Variants in STXBP4 observed in about 807,000 individuals in gnomAD.
The protein encoded by STXBP4 is syntaxin binding protein 4, also known as syntaxin-binding protein 4.
STXBP4 carries 55 observed loss-of-function variants against 76.1 expected under a neutral mutation model. That is an observed-to-expected ratio of 0.72 (90% confidence interval 0.58 to 0.91). The LOEUF (loss-of-function observed/expected upper bound fraction) is 0.91. Ranked by LOEUF, STXBP4 falls within the 40% of genes least tolerant of loss-of-function variation. The probability of loss-of-function intolerance (pLI) is 0.00; values close to 1 mark genes in which losing one functional copy is unlikely to be tolerated. For synonymous variants in STXBP4, 201 were observed against 220.2 expected, an observed-to-expected ratio of 0.91 and a Z score of 0.77; for missense variants, 618 against 636.9, an observed-to-expected ratio of 0.97 and a Z score of 0.32.
chr17:54,969,175 G>A (rs1040029489), intron 1 of STXBP4, among the ~76,000 whole-genome samples: 1 of 152,202 alleles, frequency 6.6e-6, no homozygotes, highest in Non-Finnish European at 1.5e-5. Flanking sequence ...CCCCTGCTCT[G>A]ATGCCCCTTA....
At chr17:55,028,148 A>G (rs2078446953) in intron 8 of STXBP4, among the ~76,000 whole-genome samples, 2 of 152,112 alleles carry the variant, frequency 1.3e-5, no homozygotes, top group South Asian at 4.1e-4. Flanking sequence ...TAACTTCTGT[A>G]TTAATATTTT....
At chr17:55,197,936 C>A in the STXBP4 span, among the ~76,000 whole-genome samples, 7 of 152,036 alleles carry the variant, frequency 4.6e-5, no homozygotes, top group African/African-American at 1.7e-4. Flanking sequence ...GAGTTTTAAA[C>A]AAAGAATTGG....
At chr17:54,975,474 G>A (rs1231685500) in intron 1 of STXBP4, among the ~76,000 whole-genome samples, 1 of 151,838 alleles carries the variant, frequency 6.6e-6, no homozygotes, top group Non-Finnish European at 1.5e-5. Flanking sequence ...CTGACAGACA[G>A]TCTCACATGA....
chr17:54,995,781 G>T (rs1280154855), intron 4 of STXBP4, among the ~76,000 whole-genome samples: 1 of 152,178 alleles, frequency 6.6e-6, no homozygotes, highest in African/African-American at 2.4e-5. Flanking sequence ...AGCCAAGATG[G>T]TTCGCTTTGC....
At chr17:55,082,175 A>C (rs187763594) in intron 16 of STXBP4, among the ~76,000 whole-genome samples, 1 of 152,248 alleles carries the variant, frequency 6.6e-6, no homozygotes, top group African/African-American at 2.4e-5. Context: ...ACTAGGATAT[A>C]TAATGTAGTC....
intron 17 of STXBP4, among the ~76,000 whole-genome samples, chr17:55,147,107 T>C (rs1320079663): frequency 1.3e-5 from 2 of 152,214 alleles, no homozygotes; most frequent in East Asian, 3.8e-4. Context: ...ATATGACTTA[T>C]ATAAATAATA....
At chr17:55,139,355 T>G (rs571923016) in intron 16 of STXBP4, among the ~76,000 whole-genome samples, 1 of 152,268 alleles carries the variant, frequency 6.6e-6, no homozygotes, top group Admixed American at 6.5e-5. Flanking sequence ...CAGACACAGT[T>G]GTACTGATCA....
In STXBP4 at chr17:55,172,367, T is replaced by C. The variant is rs1278528228; in HGVS notation, c.*12456T>C. ...AAGGATTCTAGGTGATTTCAATGTGTAGCCAAGGTTCACTGCCATAGCCTG... is the reference window on the plus strand; with the variant it reads ...AAGGATTCTAGGTGATTTCAATGTGCAGCCAAGGTTCACTGCCATAGCCTG... On this transcript the variant is annotated 3_prime_UTR_variant, in exon 18 of 18. Transcript: ENST00000376352. The C allele has an allele frequency of 6.6e-6, 1 of 152,208 alleles. No individual in the cohort carries two copies. Among genetic ancestry groups the C allele is most frequent in the African/African-American group, 2.4e-5 (1 of 41,458 alleles). 9.4% of individuals were successfully genotyped at this position (152,208 alleles called of 1,614,324 possible).
chr17:55,079,331 T>A (rs1317078275), intron 15 of STXBP4, among the ~76,000 whole-genome samples: 1 of 152,174 alleles, frequency 6.6e-6, no homozygotes, highest in Admixed American at 6.6e-5. Flanking sequence ...TTTTGATACA[T>A]GATGAAAGAC....
chr17:55,117,334 CT>C (rs1265450511), intron 16 of STXBP4, among the ~76,000 whole-genome samples: 2 of 151,844 alleles, frequency 1.3e-5, no homozygotes, highest in African/African-American at 4.8e-5. Context: ...CTTTCCTCTT[CT>C]CTCAGCCAAT....
chr17:55,197,647 G>A, the STXBP4 span, among the ~76,000 whole-genome samples: 3 of 152,114 alleles, frequency 2.0e-5, no homozygotes, highest in Non-Finnish European at 4.4e-5. Flanking sequence ...GGAGGCTGAG[G>A]CAGGAGAATG....
intron 10 of STXBP4, among the ~76,000 whole-genome samples, chr17:55,037,073 T>C (rs950672958): frequency 6.6e-6 from 1 of 152,168 alleles, no homozygotes; most frequent in African/African-American, 2.4e-5. Flanking sequence ...CTGGTTGTTC[T>C]GTAACCCTCA....
intron 16 of STXBP4, among the ~76,000 whole-genome samples, chr17:55,105,669 G>A (rs552983406): frequency 2.0e-5 from 3 of 150,896 alleles, no homozygotes; most frequent in African/African-American, 7.3e-5. Context: ...TAGTAGAGAC[G>A]GGGTTTCACT....
intron 16 of STXBP4, among the ~76,000 whole-genome samples, chr17:55,127,219 GAATA>G (rs1036878885): frequency 2.4e-4 from 36 of 152,280 alleles, no homozygotes; most frequent in Admixed American, 1.3e-3. Context: ...CTGAAATGTG[GAATA>G]AATAGACTAT....
chr17:55,071,877 C>T (rs531775933), intron 12 of STXBP4, among the ~76,000 whole-genome samples: 2 of 152,126 alleles, frequency 1.3e-5, no homozygotes, highest in African/African-American at 2.4e-5. Context: ...AAAGTTCTAT[C>T]GCAGAGAAAA....
chr17:55,144,005 GCACA>G (rs61300425), intron 17 of STXBP4, among the ~76,000 whole-genome samples: 11,439 of 138,814 alleles, frequency 0.082, 586 homozygotes, highest in East Asian at 0.27. Context: ...AAAGCCACCT[GCACA>G]CACACACACA....
chr17:55,206,689 T>G, the STXBP4 span, among the ~76,000 whole-genome samples: 93 of 151,882 alleles, frequency 6.1e-4, 1 homozygote, highest in African/African-American at 2.0e-3. Flanking sequence ...AAACCCCATC[T>G]CTACTAAAAA....
chr17:55,097,398 T>G lies in STXBP4; in HGVS notation c.1489+16215T>G, dbSNP rs2079501073. On this transcript the variant is annotated intron_variant, in intron 16 of 17. Coordinates refer to ENST00000376352, the MANE Select transcript of STXBP4 (RefSeq NM_178509.6). ...CCTGTAGTTGACCGGGCGCGGTGGC[T>G]CATGCCTGTAATCCCAGCACTTTGG... Among the ~76,000 whole-genome samples the G allele has an allele frequency of 2.0e-5, 3 of 152,202 alleles. No homozygotes were observed. The South Asian group carries it at 6.2e-4, about 32-fold the overall frequency.
intron 16 of STXBP4, among the ~76,000 whole-genome samples, chr17:55,087,881 G>T (rs1030105571): frequency 2.0e-5 from 3 of 152,078 alleles, no homozygotes; most frequent in African/African-American, 7.2e-5. Flanking sequence ...CTGTGAGCAT[G>T]GGATATCCTT....
Sources: allele counts gnomAD v4.1 joint callset (sites outside exome capture counted in the v4.1 genomes callset), GRCh38; gene constraint gnomAD v4.1.1; transcripts MANE v1.5; gene names NCBI Gene and HGNC (gene_info 2026-07-23, HGNC 2026-07-21).